The following SPACA7 variants were observed in gnomAD, a reference collection of about 807,000 sequenced individuals.
SPACA7 encodes sperm acrosome-associated protein 7.
Under a neutral mutation model 26.3 loss-of-function variants are expected in SPACA7, and 19 were observed. That is an observed-to-expected ratio of 0.72 (90% CI 0.50 to 1.06). The LOEUF is 1.06. SPACA7 is among the 50% of genes least tolerant of loss of function. The pLI, the probability that SPACA7 is intolerant of heterozygous loss-of-function variation, is 0.00. For missense variants in SPACA7, 211 were observed against 229.9 expected, an observed-to-expected ratio of 0.92 and a Z score of 0.53; for synonymous variants, 84 against 84.5, an observed-to-expected ratio of 0.99 and a Z score of 0.04.
chr13:112,399,187 A>G lies in SPACA7; in HGVS notation c.349+14A>G. ...TTTCCAATGATGGTAAATGCAACCC[A>G]GTAATTACCCCTTCCCAAGTCCAGC... On this transcript the variant is annotated intron_variant, in intron 4 of 6. Coordinates refer to ENST00000283550, the MANE Select transcript of SPACA7 (RefSeq NM_145248.5). 1 of 1,337,800 alleles carries G rather than the reference A, an allele frequency of 7.5e-7. No homozygotes were observed. Among genetic ancestry groups the G allele is most frequent in the Non-Finnish European group, 1.1e-6 (1 of 927,958 alleles). The allele number at this position is 1,337,800 out of a possible 1,614,324, so 82.9% of individuals were successfully genotyped here. A position where few individuals can be genotyped will look rare whatever the true frequency, so the allele number is the denominator to read the frequency against.
chr13:112,400,219 T>C (rs1272305289), intron 4 of SPACA7, among the ~76,000 whole-genome samples: 1 of 152,080 alleles, frequency 6.6e-6, no homozygotes, highest in East Asian at 1.9e-4. Context: ...TGCATCCCAA[T>C]CCATTACCCC....
chr13:112,430,168 CTCTCTCTGTGTG>C (rs1242751823), intron 5 of SPACA7, among the ~76,000 whole-genome samples: 5 of 115,884 alleles, frequency 4.3e-5, no homozygotes, highest in African/African-American at 1.1e-4. Context: ...CCTTGCATCT[CTCTCTCTGTGTG>C]TGTGTGTGTG....
chr13:112,383,170 AAAGAAAGAAAGAAAG>A (rs1566453512), intron 1 of SPACA7, among the ~76,000 whole-genome samples: 1 of 127,902 alleles, frequency 7.8e-6, no homozygotes, highest in East Asian at 2.3e-4. Flanking sequence ...AGAAAGAAAG[AAAGAAAGAAAGAAAG>A]AAAGAAAGAA....
In SPACA7 at chr13:112,399,133, AC is replaced by A; in HGVS notation, c.310del (p.Gln104AsnfsTer107). 6.2e-7 allele frequency: 1 copy of A among 1,608,422 alleles called. No individual in the cohort carries two copies. The highest frequency in any genetic ancestry group is 8.5e-7 in the Non-Finnish European group (1 of 1,174,818). On this transcript the variant is annotated frameshift_variant, in exon 4 of 7. Coordinates refer to ENST00000283550, the MANE Select transcript of SPACA7 (RefSeq NM_145248.5). LOFTEE classifies it high-confidence loss of function. ...ATTACCATGAATTATTAGAGAATTTACAATTCTCTCCTGGCATTGAGGTCAA... is the reference window on the plus strand; with the variant it reads ...ATTACCATGAATTATTAGAGAATTTAAATTCTCTCCTGGCATTGAGGTCAA... Reference protein sequence around the residue: ...ENYHELLENLQFSPGIEVKIS... With the variant: ...ENYHELLENLXFSPGIEVKIS...
At chr13:112,397,136 G>A (rs17121053) in intron 2 of SPACA7, among the ~76,000 whole-genome samples, 12,523 of 152,254 alleles carry the variant, frequency 0.082, 1,116 homozygotes, top group East Asian at 0.28. Flanking sequence ...TTTATCGGTC[G>A]TATTGGTGAC....
chr13:112,423,724 G>A (rs1876234011), intron 5 of SPACA7, among the ~76,000 whole-genome samples: 1 of 151,242 alleles, frequency 6.6e-6, no homozygotes, highest in Non-Finnish European at 1.5e-5. Flanking sequence ...ATGTTCTAAA[G>A]GAAGAGAAAT....
At chr13:112,395,341 G>A (rs1192449507) in intron 2 of SPACA7, among the ~76,000 whole-genome samples, 7 of 152,366 alleles carry the variant, frequency 4.6e-5, no homozygotes, top group South Asian at 4.1e-4. Context: ...CTCTGGGGCC[G>A]GCTGGTCCAG....
chr13:112,393,804 G>A (rs1885054659), intron 2 of SPACA7, among the ~76,000 whole-genome samples: 1 of 152,082 alleles, frequency 6.6e-6, no homozygotes, highest in Non-Finnish European at 1.5e-5. Flanking sequence ...TGGCCAACAT[G>A]GTGAAACCCC....
At chr13:112,400,526 T>C (rs1162536504) in intron 4 of SPACA7, among the ~76,000 whole-genome samples, 1 of 152,204 alleles carries the variant, frequency 6.6e-6, no homozygotes, top group African/African-American at 2.4e-5. Context: ...CTGTGGGTTA[T>C]AAAACACTAA....
At chr13:112,394,695 T>A (rs1326684934) in intron 2 of SPACA7, among the ~76,000 whole-genome samples, 1 of 152,104 alleles carries the variant, frequency 6.6e-6, no homozygotes, top group Non-Finnish European at 1.5e-5. Context: ...CTCCCCAAGG[T>A]CAAGGAATGG....
At chr13:112,415,918 C>T (rs1886662159) in intron 5 of SPACA7, among the ~76,000 whole-genome samples, 2 of 152,080 alleles carry the variant, frequency 1.3e-5, no homozygotes, top group Admixed American at 1.3e-4. Context: ...GAATCAAGGA[C>T]CACGGAATTC....
intron 5 of SPACA7, among the ~76,000 whole-genome samples, chr13:112,404,243 A>T (rs546876963): frequency 6.6e-6 from 1 of 152,230 alleles, no homozygotes; most frequent in Admixed American, 6.5e-5. Flanking sequence ...TTGTCTATTC[A>T]TGTCCTCAGC....
chr13:112,434,114 A>G (rs1228708196), intron 6 of SPACA7, among the ~76,000 whole-genome samples: 1 of 152,160 alleles, frequency 6.6e-6, no homozygotes, highest in African/African-American at 2.4e-5. Flanking sequence ...TTGGACAGTG[A>G]AGAACCAGGA....
intron 5 of SPACA7, among the ~76,000 whole-genome samples, chr13:112,429,072 G>T (rs1876814102): frequency 6.6e-6 from 1 of 152,172 alleles, no homozygotes. Context: ...TTTTCTTGGT[G>T]AGTTATCCCT....
At chr13:112,394,512 TC>T (rs1187263805) in intron 2 of SPACA7, among the ~76,000 whole-genome samples, 1 of 144,098 alleles carries the variant, frequency 6.9e-6, no homozygotes, top group Non-Finnish European at 1.5e-5. Flanking sequence ...TTGCTCCCTT[TC>T]CACATCTGGG....
intron 3 of SPACA7, 56 bp from the exon 4 acceptor site, chr13:112,399,010 A>G: frequency 9.6e-7 from 1 of 1,045,828 alleles, no homozygotes; most frequent in Admixed American, 1.8e-5. Context: ...AAAAATGTTT[A>G]TACCTGTGTA....
rs1010015694 is a variant in SPACA7, at chr13:112,389,626, C to T, written c.95-3395C>T. The stretch of plus-strand genomic sequence containing the variant: ...ACTCCTTTAAGGAATTTTATAATTA[C>T]TTCAGCAATACCATCCAGAGGTAGA... On this transcript the variant is annotated intron_variant, in intron 1 of 6. Coordinates refer to ENST00000283550, the MANE Select transcript of SPACA7 (RefSeq NM_145248.5). Among the ~76,000 whole-genome samples the T allele has an allele frequency of 1.4e-4, 21 of 152,170 alleles. 1 individual carries two copies. The highest frequency in any genetic ancestry group is 9.2e-4 in the Admixed American group (14 of 15,278).
intron 5 of SPACA7, among the ~76,000 whole-genome samples, chr13:112,404,339 T>C (rs933468392): frequency 6.6e-6 from 1 of 152,234 alleles, no homozygotes; most frequent in African/African-American, 2.4e-5. Context: ...AATGTATAGA[T>C]TGTGAAGATT....
chr13:112,405,126 G>T (rs1885902957), intron 5 of SPACA7, among the ~76,000 whole-genome samples: 1 of 151,734 alleles, frequency 6.6e-6, no homozygotes, highest in African/African-American at 2.4e-5. Flanking sequence ...GGGACTACAG[G>T]CATCCGCCAA....
Sources: allele counts gnomAD v4.1 joint callset (sites outside exome capture counted in the v4.1 genomes callset), GRCh38; gene constraint gnomAD v4.1.1; transcripts MANE v1.5; gene names NCBI Gene and HGNC (gene_info 2026-07-23, HGNC 2026-07-21).